The following NALF1 variants were observed in gnomAD, a reference collection of about 807,000 sequenced individuals.
The protein encoded by NALF1 is NALCN channel auxiliary factor 1.
Under a neutral mutation model 48.4 loss-of-function variants are expected in NALF1, and 3 were observed. That is an observed-to-expected ratio of 0.06 (90% CI 0.03 to 0.16). The LOEUF (loss-of-function observed/expected upper bound fraction) is 0.16, where lower values mean the gene tolerates loss of function less well. NALF1 is among the 10% of genes least tolerant of loss of function. The pLI is 1.00. For missense variants in NALF1, 526 were observed against 571.5 expected (o/e 0.92, Z 0.81); for synonymous variants, 262 against 245.7 (o/e 1.07, Z -0.62).
chr13:107,376,090 T>C (rs1758951121), intron 1 of NALF1, among the ~76,000 whole-genome samples: 1 of 152,148 alleles, frequency 6.6e-6, no homozygotes, highest in Non-Finnish European at 1.5e-5. Flanking sequence ...GACCTCATCA[T>C]TTGGACAATC....
chr13:107,662,738 G>A (rs1226346398), intron 1 of NALF1, among the ~76,000 whole-genome samples: 1 of 151,950 alleles, frequency 6.6e-6, no homozygotes, highest in Non-Finnish European at 1.5e-5. Context: ...TTTTAAAAGG[G>A]AACTGTATTT....
intron 1 of NALF1, among the ~76,000 whole-genome samples, chr13:107,555,921 A>G (rs115325787): frequency 0.018 from 2,715 of 152,240 alleles, 89 homozygotes; most frequent in African/African-American, 0.061. Flanking sequence ...TTGAAATCAA[A>G]CTAAGAGCCT....
intron 2 of NALF1, among the ~76,000 whole-genome samples, chr13:107,177,148 C>CT (rs1459024309): frequency 6.6e-6 from 1 of 151,922 alleles, no homozygotes; most frequent in Non-Finnish European, 1.5e-5. Context: ...AAGAAAATAT[C>CT]TATGACTTAA....
intron 1 of NALF1, among the ~76,000 whole-genome samples, chr13:107,805,868 C>G (rs977472750): frequency 2.0e-5 from 3 of 152,070 alleles, no homozygotes; most frequent in African/African-American, 4.8e-5. Flanking sequence ...ATCCCTAAAG[C>G]CTGTGGGCTG....
intron 1 of NALF1, among the ~76,000 whole-genome samples, chr13:107,852,354 A>T (rs1880341636): frequency 6.6e-6 from 1 of 152,190 alleles, no homozygotes; most frequent in Non-Finnish European, 1.5e-5. Context: ...GCCATATAAT[A>T]ACAGCACTCA....
chr13:107,553,129 A>G (rs978697957), intron 1 of NALF1, among the ~76,000 whole-genome samples: 2 of 152,176 alleles, frequency 1.3e-5, no homozygotes, highest in Middle Eastern at 3.2e-3. Context: ...AAAAAGCTGA[A>G]ATGGTTTGCA....
chr13:107,827,257 G>A (rs1353581027), intron 1 of NALF1, among the ~76,000 whole-genome samples: 1 of 151,998 alleles, frequency 6.6e-6, no homozygotes, highest in African/African-American at 2.4e-5. Flanking sequence ...ATTTTCTTAA[G>A]CTGATACTCC....
intron 1 of NALF1, among the ~76,000 whole-genome samples, chr13:107,861,651 G>A (rs1880571761): frequency 1.3e-5 from 2 of 152,290 alleles, no homozygotes; most frequent in Admixed American, 1.3e-4. Context: ...AGGCGTGGTG[G>A]CGCGCACCTG....
chr13:107,390,834 T>C (rs1048571319), intron 1 of NALF1, among the ~76,000 whole-genome samples: 1 of 151,662 alleles, frequency 6.6e-6, no homozygotes, highest in Middle Eastern at 3.4e-3. Flanking sequence ...CAATCCTTTT[T>C]GTACATCTAC....
chr13:107,745,214 T>C (rs542589602), intron 1 of NALF1, among the ~76,000 whole-genome samples: 2 of 152,306 alleles, frequency 1.3e-5, no homozygotes, highest in South Asian at 2.1e-4. Context: ...TAAATAACTT[T>C]TGAAGCACCT....
At chr13:107,672,554 C>T (rs934541546) in intron 1 of NALF1, among the ~76,000 whole-genome samples, 11 of 152,258 alleles carry the variant, frequency 7.2e-5, no homozygotes, top group African/African-American at 2.4e-4. Flanking sequence ...AGAGTCAAGG[C>T]TGCCCAGCTG....
At chr13:107,567,026 T>TA (rs1326960567) in intron 1 of NALF1, among the ~76,000 whole-genome samples, 2 of 152,102 alleles carry the variant, frequency 1.3e-5, no homozygotes, top group Non-Finnish European at 1.5e-5. Context: ...TACAAAGGCA[T>TA]AAAAATAACA....
chr13:107,446,012 C>A (rs973035138), intron 1 of NALF1, among the ~76,000 whole-genome samples: 13 of 151,974 alleles, frequency 8.6e-5, no homozygotes, highest in African/African-American at 2.9e-4. Flanking sequence ...AATCTTAGTG[C>A]GCTGCAACCT....
At position 107,522,648 on chromosome 13, in the gene NALF1, G is replaced by A. The variant is rs527493152; in HGVS notation, c.916-311893C>T. 2.0e-5 allele frequency among the ~76,000 whole-genome samples: 3 copies of A among 151,568 alleles called. No individual in the cohort carries two copies. In the South Asian group the frequency reaches 6.3e-4, roughly 32 times the overall value. On this transcript the variant is annotated intron_variant, in intron 1 of 2. Coordinates refer to ENST00000375915, the MANE Select transcript of NALF1 (RefSeq NM_001080396.3). ...TGAGACAGTCTTGTTCTGTAGCCCAGACTGTACTGCAGTGGTGTGATCTCG... is the reference window on the plus strand; with the variant it reads ...TGAGACAGTCTTGTTCTGTAGCCCAAACTGTACTGCAGTGGTGTGATCTCG...
intron 1 of NALF1, among the ~76,000 whole-genome samples, chr13:107,451,462 G>A (rs908608749): frequency 3.0e-4 from 45 of 152,166 alleles, no homozygotes; most frequent in Admixed American, 1.2e-3. Context: ...TTATGGAGTC[G>A]TGAGTGTGTG....
At chr13:107,711,375 T>A (rs4772913) in intron 1 of NALF1, among the ~76,000 whole-genome samples, 5 of 152,070 alleles carry the variant, frequency 3.3e-5, no homozygotes, top group African/African-American at 4.8e-5. Context: ...TCGCCCTGTC[T>A]CCCAGGCGGG....
intron 1 of NALF1, among the ~76,000 whole-genome samples, chr13:107,779,815 T>C (rs1314926314): frequency 1.3e-5 from 2 of 152,182 alleles, no homozygotes; most frequent in Non-Finnish European, 2.9e-5. Context: ...AGGAAACATA[T>C]TTTTACTTAT....
Position 107,170,565 on chromosome 13 carries a change from G to A in NALF1, c.1309C>T (p.Gln437Ter), listed in dbSNP as rs779868627. The change falls in exon 3 of 3, where the codon CAG (glutamine) becomes TAG (stop). Residue 437 changes from glutamine (Q) to a stop codon, truncating the protein, a stop_gained. Coordinates refer to ENST00000375915, the MANE Select transcript of NALF1 (RefSeq NM_001080396.3). LOFTEE classifies it high-confidence loss of function. ...CCAAAGCTCAGTCCGGCTGTGTTCT[G>A]TGCTGCCGAGGCTGTGAGCACTGTG... is the stretch of plus-strand genomic sequence containing the variant. ...LHTVLTASAA[Q>*]NTAGLSFGGI... is the part of the protein sequence containing the mutation. The A allele has an allele frequency of 6.2e-7, 1 of 1,614,112 alleles. No individual in the cohort carries two copies. The highest frequency in any genetic ancestry group is 1.7e-5 in the Admixed American group (1 of 60,032).
chr13:107,224,419 A>G (rs1382163107), intron 1 of NALF1, among the ~76,000 whole-genome samples: 1 of 149,176 alleles, frequency 6.7e-6, no homozygotes, highest in Non-Finnish European at 1.5e-5. Flanking sequence ...TGAATTATGT[A>G]TATAATATAA....
Sources: gnomAD v4.1 joint callset for allele counts (sites outside exome capture counted in the v4.1 genomes callset) on GRCh38, gnomAD v4.1.1 for gene constraint, MANE v1.5 for transcripts, NCBI Gene and HGNC (gene_info 2026-07-23, HGNC 2026-07-21) for gene names.